The following UBAP2 variants were observed in gnomAD, a reference collection of about 807,000 sequenced individuals.
The protein encoded by UBAP2 is ubiquitin associated protein 2.
UBAP2 carries 75 observed loss-of-function variants against 139.6 expected under a neutral mutation model. That is an observed-to-expected ratio of 0.54 (90% CI 0.45 to 0.65). The LOEUF is 0.65. Ranked by LOEUF, UBAP2 falls within the 30% of genes least tolerant of loss-of-function variation. The pLI is 0.00. For missense variants in UBAP2, 1,368 were observed against 1,369.6 expected (o/e 1.00, Z 0.02); for synonymous variants, 526 against 526.2 (o/e 1.00, Z 0.01).
intron 1 of UBAP2, among the ~76,000 whole-genome samples, chr9:34,039,107 G>A (rs1826776523): frequency 6.6e-6 from 1 of 151,848 alleles, no homozygotes; most frequent in Non-Finnish European, 1.5e-5. Context: ...TGGGAAGTGA[G>A]GAGCGTCTCC....
upstream of UBAP2, chr9:34,049,015 G>C (rs1395817364): frequency 2.6e-5 from 4 of 152,294 alleles, no homozygotes; most frequent in Non-Finnish European, 5.9e-5. Flanking sequence ...GCGGCGCGCG[G>C]CCTCTTCCAG....
intron 16 of UBAP2, among the ~76,000 whole-genome samples, chr9:33,940,421 A>G (rs141067561): frequency 1.3e-5 from 2 of 152,220 alleles, no homozygotes; most frequent in Admixed American, 6.5e-5. Context: ...TTGGACATAC[A>G]GAGTTGTTGA....
Position 34,026,933 on chromosome 9 carries a change from T to C in UBAP2, c.-41-9744A>G, listed in dbSNP as rs75391389. ...CTTCTTCTATACAACAGCATAACTA[T>C]TGTTGGCATCACCTGCAAAGCTTGT... is the stretch of plus-strand genomic sequence containing the variant. On this transcript the variant is annotated intron_variant, in intron 1 of 28. Transcript: ENST00000379238. 6.3e-3 allele frequency among the ~76,000 whole-genome samples: 957 copies of C among 152,246 alleles called. 14 individuals are homozygous for C. Among genetic ancestry groups the C allele is most frequent in the African/African-American group, 0.021 (887 of 41,552 alleles).
intron 2 of UBAP2, among the ~76,000 whole-genome samples, chr9:34,010,797 G>C (rs1238774405): frequency 6.6e-6 from 1 of 152,100 alleles, no homozygotes; most frequent in Non-Finnish European, 1.5e-5. Flanking sequence ...TGGATTACTT[G>C]TGGCTATCCA....
intron 17 of UBAP2, among the ~76,000 whole-genome samples, chr9:33,935,165 G>T (rs1351851539): frequency 2.9e-5 from 1 of 34,968 alleles, no homozygotes; most frequent in East Asian, 1.5e-3. Context: ...GGAAGTGGCG[G>T]GGGGGGGGGG....
chr9:34,042,073 G>C (rs912473058), intron 1 of UBAP2, among the ~76,000 whole-genome samples: 1 of 152,036 alleles, frequency 6.6e-6, no homozygotes, highest in African/African-American at 2.4e-5. Context: ...AAGAGTGAAA[G>C]AATCAAGCAT....
Position 33,986,786 on chromosome 9 carries a change from T to C in UBAP2, c.494A>G (p.Asp165Gly), listed in dbSNP as rs779806586. Residue 165 changes from aspartate to glycine, a missense_variant, in exon 6 of 29, where the codon GAT becomes GGT. By Grantham distance (94) the Asp-to-Gly change is moderately conservative. Transcript: ENST00000379238. ...IDCNQVDKPS[D>G]RGKRARGRGF... Reference sequence around the variant, plus strand: ...TCTACCCCGGGCTCGCTTGCCACGATCTGAAGGTTTGTCCACTTGATTGCA... The same window carrying C: ...TCTACCCCGGGCTCGCTTGCCACGACCTGAAGGTTTGTCCACTTGATTGCA... 1.2e-6 allele frequency: 2 copies of C among 1,614,138 alleles called. No individual in the cohort carries two copies. The highest frequency in any genetic ancestry group is 1.3e-5 in the African/African-American group (1 of 75,052).
chr9:33,998,886 T>A, intron 2 of UBAP2, 22 bp from the exon 3 acceptor site: 1 of 1,601,332 alleles, frequency 6.2e-7, no homozygotes, highest in Non-Finnish European at 8.5e-7. Context: ...ATACAATTGT[T>A]AAGGATTTGA....
intron 17 of UBAP2, chr9:33,935,574 C>G (rs544739858): frequency 2.0e-6 from 1 of 492,168 alleles, no homozygotes; most frequent in East Asian, 3.8e-5. Flanking sequence ...GCCCAAGCAT[C>G]TTTAAAATGC....
At chr9:33,971,092 C>T (rs59107343) in intron 8 of UBAP2, among the ~76,000 whole-genome samples, 1,795 of 152,198 alleles carry the variant, frequency 0.012, 34 homozygotes, top group African/African-American at 0.04. Flanking sequence ...TGTGAGCCAC[C>T]GCGCCCAGCT....
intron 8 of UBAP2, chr9:33,968,578 TTG>T (rs1375711451): frequency 5.8e-6 from 2 of 344,720 alleles, no homozygotes; most frequent in African/African-American, 4.2e-5. Flanking sequence ...GAAACACTGT[TTG>T]TTTTAATCAT....
At chr9:34,029,715 C>A (rs1032799737) in intron 1 of UBAP2, among the ~76,000 whole-genome samples, 1 of 151,870 alleles carries the variant, frequency 6.6e-6, no homozygotes, top group African/African-American at 2.4e-5. Context: ...TGCGGCCAGG[C>A]ACGGTGGCTC....
At chr9:33,958,706 CTT>C (rs35500529) in intron 10 of UBAP2, among the ~76,000 whole-genome samples, 78 of 122,692 alleles carry the variant, frequency 6.4e-4, no homozygotes, top group African/African-American at 1.5e-3. Flanking sequence ...TGTGCCCGGC[CTT>C]TTTTTTTTTT....
intron 2 of UBAP2, among the ~76,000 whole-genome samples, chr9:34,015,892 T>C (rs1180819287): frequency 2.0e-5 from 3 of 151,574 alleles, no homozygotes; most frequent in South Asian, 2.1e-4. Flanking sequence ...CTGCTCTTAA[T>C]TCCTGGGCTC....
chr9:34,026,233 T>A (rs1760821), intron 1 of UBAP2, among the ~76,000 whole-genome samples: 26,613 of 152,256 alleles, frequency 0.17, 2,436 homozygotes, highest in South Asian at 0.36. Flanking sequence ...AACTACATAC[T>A]TACACTGCAT....
In UBAP2 at chr9:33,923,409, T is replaced by G; in HGVS notation, c.2866A>C (p.Ser956Arg). ...STPTPPFQQA[S>R]GYGQHGYSTG... is the part of the protein sequence containing the mutation. ...CTGTAGCCGTGCTGGCCATAACCAC[T>G]GGCCTGCTGGAAGGGAGGTGTGGGA... Residue 956 changes from serine to arginine, a missense_variant, in exon 25 of 29, where the codon AGT becomes CGT. Transcript: ENST00000379238. 1 of 1,614,130 alleles carries G rather than the reference T, an allele frequency of 6.2e-7. No homozygotes were observed. Among genetic ancestry groups the G allele is most frequent in the South Asian group, 1.1e-5 (1 of 91,074 alleles).
intron 6 of UBAP2, among the ~76,000 whole-genome samples, chr9:33,981,102 GGATATATATATATATATATA>G (rs1820652830): frequency 3.0e-3 from 1 of 332 alleles, no homozygotes; most frequent in Non-Finnish European, 0.014. Flanking sequence ...TATATATTCT[GGATATATATATATATATATA>G]TATATATATA....
intron 9 of UBAP2, among the ~76,000 whole-genome samples, chr9:33,961,647 G>A (rs966473432): frequency 2.0e-5 from 3 of 152,120 alleles, no homozygotes; most frequent in South Asian, 2.1e-4. Context: ...AGAAATTAAC[G>A]ACAACCCCAG....
At chr9:33,938,025 T>G (rs924390178) in intron 16 of UBAP2, among the ~76,000 whole-genome samples, 1 of 152,112 alleles carries the variant, frequency 6.6e-6, no homozygotes, top group Non-Finnish European at 1.5e-5. Flanking sequence ...TGAGACAGTG[T>G]CTGGCTCTGT....
Sources: gnomAD v4.1 joint callset for allele counts (sites outside exome capture counted in the v4.1 genomes callset) on GRCh38, gnomAD v4.1.1 for gene constraint, MANE v1.5 for transcripts, NCBI Gene and HGNC (gene_info 2026-07-23, HGNC 2026-07-21) for gene names.